Variants in FSTL4 observed in about 807,000 individuals in gnomAD.
FSTL4 encodes the protein follistatin-related protein 4.
In FSTL4, 28 loss-of-function variants were observed where a neutral mutation model predicts 78.2. The ratio of observed to expected loss-of-function variants is 0.36; its 90% CI spans 0.27 to 0.49. The LOEUF (loss-of-function observed/expected upper bound fraction) is 0.49, where lower values mean the gene tolerates loss of function less well. Among genes scored for constraint, FSTL4 ranks in the 20% least tolerant of loss-of-function variants. The pLI is 0.98. For missense variants in FSTL4, 922 were observed against 1,084.9 expected, an observed-to-expected ratio of 0.85 and a Z score of 2.11; for synonymous variants, 422 against 440.5, an observed-to-expected ratio of 0.96 and a Z score of 0.53.
chr5:133,670,581 G>A, the FSTL4 span, among the ~76,000 whole-genome samples: 6 of 152,222 alleles, frequency 3.9e-5, no homozygotes, highest in African/African-American at 1.2e-4. Flanking sequence ...TTATGGAGTA[G>A]TAACTAACCT....
At chr5:133,567,299 A>G in intron 2 of FSTL4, 80 bp from the exon 3 acceptor site, 3 of 1,013,106 alleles carry the variant, frequency 3.0e-6, no homozygotes, top group Non-Finnish European at 4.7e-6. Flanking sequence ...CTCTCTTGTT[A>G]GTCACACATT....
chr5:133,793,619 C>T, the FSTL4 span, among the ~76,000 whole-genome samples: 90,798 of 152,126 alleles, frequency 0.6, 27,754 homozygotes, highest in Non-Finnish European at 0.67. Context: ...CCTGATTCCA[C>T]ACTGCGGCAG....
the FSTL4 span, among the ~76,000 whole-genome samples, chr5:133,766,859 G>C: frequency 3.3e-5 from 5 of 152,320 alleles, no homozygotes; most frequent in South Asian, 6.2e-4. Flanking sequence ...GGAGTGCCGG[G>C]TGGGTTCTTT....
intron 3 of FSTL4, among the ~76,000 whole-genome samples, chr5:133,410,464 C>A (rs1756456859): frequency 6.6e-6 from 1 of 152,204 alleles, no homozygotes; most frequent in Non-Finnish European, 1.5e-5. Context: ...TTTCCACCAA[C>A]TAATGATTCA....
chr5:133,403,150 CAG>C (rs1398887324), intron 3 of FSTL4, among the ~76,000 whole-genome samples: 2 of 152,264 alleles, frequency 1.3e-5, no homozygotes, highest in Non-Finnish European at 2.9e-5. Flanking sequence ...TCTCCCAAGA[CAG>C]GGCCAGGACG....
intron 12 of FSTL4, 73 bp downstream of exon 12, chr5:133,220,675 G>T (rs770653537): frequency 2.9e-5 from 24 of 832,558 alleles, no homozygotes; most frequent in Non-Finnish European, 4.4e-5. Context: ...CAAATGGCAT[G>T]CCTGGTTAAA....
At chr5:133,737,750 G>A in the FSTL4 span, among the ~76,000 whole-genome samples, 1 of 151,912 alleles carries the variant, frequency 6.6e-6, no homozygotes, top group Admixed American at 6.6e-5. Flanking sequence ...GATTACAAGT[G>A]ACTGCCACTG....
At chr5:133,479,948 T>C (rs1757995953) in intron 3 of FSTL4, among the ~76,000 whole-genome samples, 2 of 152,232 alleles carry the variant, frequency 1.3e-5, no homozygotes, top group Admixed American at 6.5e-5. Flanking sequence ...GTGTGGCTAA[T>C]GTGTCTTTTA....
chr5:133,806,920 G>A, the FSTL4 span, among the ~76,000 whole-genome samples: 1 of 152,194 alleles, frequency 6.6e-6, no homozygotes, highest in Non-Finnish European at 1.5e-5. Context: ...TCTTTGCAGA[G>A]CCCACCTAGT....
the FSTL4 span, among the ~76,000 whole-genome samples, chr5:133,630,517 T>C: frequency 6.6e-6 from 1 of 152,186 alleles, no homozygotes; most frequent in Non-Finnish European, 1.5e-5. Context: ...TGGAAAAACA[T>C]TGCATGCTCA....
intron 4 of FSTL4, among the ~76,000 whole-genome samples, chr5:133,319,946 G>A (rs2126895922): frequency 6.6e-6 from 1 of 152,326 alleles, no homozygotes; most frequent in East Asian, 1.9e-4. Flanking sequence ...GACCCTGGAG[G>A]AAAGGCAGCC....
chr5:133,569,304 T>G (rs1186380968), intron 2 of FSTL4, among the ~76,000 whole-genome samples: 1 of 152,250 alleles, frequency 6.6e-6, no homozygotes, highest in African/African-American at 2.4e-5. Flanking sequence ...ATGTTAGGCG[T>G]TGTGTTCATA....
the FSTL4 span, among the ~76,000 whole-genome samples, chr5:133,671,531 A>C: frequency 6.6e-6 from 1 of 152,224 alleles, no homozygotes; most frequent in African/African-American, 2.4e-5. Flanking sequence ...TAATTTCCTC[A>C]GCAAGGCCAT....
intron 4 of FSTL4, among the ~76,000 whole-genome samples, chr5:133,330,302 C>T (rs1754313090): frequency 6.6e-6 from 1 of 152,202 alleles, no homozygotes; most frequent in Non-Finnish European, 1.5e-5. Context: ...AAAGAATTGG[C>T]TCACAGTTCT....
chr5:133,666,094 A>G, the FSTL4 span, among the ~76,000 whole-genome samples: 2 of 152,212 alleles, frequency 1.3e-5, no homozygotes. Flanking sequence ...TAAAAAAAAA[A>G]AAAGGATAAT....
chr5:133,379,184 T>C (rs1755510680), intron 4 of FSTL4, among the ~76,000 whole-genome samples: 1 of 152,032 alleles, frequency 6.6e-6, no homozygotes, highest in Non-Finnish European at 1.5e-5. Flanking sequence ...CAGATAATAA[T>C]AAAAGGGCTA....
intron 6 of FSTL4, among the ~76,000 whole-genome samples, chr5:133,305,262 A>G (rs1472003453): frequency 2.6e-5 from 4 of 152,148 alleles, no homozygotes; most frequent in African/African-American, 9.7e-5. Context: ...GCAACTCTGG[A>G]GAGGCTGGGG....
intron 4 of FSTL4, among the ~76,000 whole-genome samples, chr5:133,370,647 G>A (rs1247705812): frequency 6.6e-6 from 1 of 152,030 alleles, no homozygotes; most frequent in African/African-American, 2.4e-5. Context: ...GGCAGTCTTG[G>A]GGTTTGGACT....
intron 3 of FSTL4, among the ~76,000 whole-genome samples, chr5:133,410,276 G>A (rs932976019): frequency 3.9e-5 from 6 of 152,010 alleles, no homozygotes; most frequent in Admixed American, 2.0e-4. Context: ...TCTTCAGCTC[G>A]CATCTGTCTT....
Sources: allele counts gnomAD v4.1 joint callset (sites outside exome capture counted in the v4.1 genomes callset), GRCh38; gene constraint gnomAD v4.1.1; transcripts MANE v1.5; gene names NCBI Gene and HGNC (gene_info 2026-07-23, HGNC 2026-07-21).